The following ZMYM2 variants were observed in gnomAD, a reference collection of about 807,000 sequenced individuals.
ZMYM2 encodes zinc finger MYM-type protein 2.
ZMYM2 carries 56 observed loss-of-function variants against 162.8 expected under a neutral mutation model. The ratio of observed to expected loss-of-function variants is 0.34; its 90% confidence interval spans 0.28 to 0.43. ZMYM2 has a LOEUF of 0.43. Among genes scored for constraint, ZMYM2 ranks in the 20% least tolerant of loss-of-function variants. The pLI is 1.00. For synonymous variants in ZMYM2, 510 were observed against 541.6 expected, an observed-to-expected ratio of 0.94 and a Z score of 0.81; for missense variants, 1,275 against 1,621.8, an observed-to-expected ratio of 0.79 and a Z score of 3.67.
At chr13:19,873,397 T>A in the ZMYM2 span, among the ~76,000 whole-genome samples, 47 of 125,092 alleles carry the variant, frequency 3.8e-4, no homozygotes, top group Admixed American at 8.4e-4. Flanking sequence ...TATTTATTTA[T>A]TTATTTATTT....
At chr13:19,974,652 A>T (rs1468525968) in intron 2 of ZMYM2, among the ~76,000 whole-genome samples, 1 of 151,860 alleles carries the variant, frequency 6.6e-6, no homozygotes, top group Non-Finnish European at 1.5e-5. Flanking sequence ...TTGTATTTTT[A>T]GTAGAGATGG....
intron 7 of ZMYM2, chr13:20,025,011 C>G (rs929324281): frequency 3.3e-5 from 7 of 213,858 alleles, no homozygotes; most frequent in African/African-American, 1.6e-4. Context: ...TCGTTTCAAG[C>G]TGAAAGACCT....
At chr13:20,023,503 G>T (rs1223967518) in intron 7 of ZMYM2, among the ~76,000 whole-genome samples, 2 of 152,088 alleles carry the variant, frequency 1.3e-5, no homozygotes, top group Admixed American at 6.5e-5. Flanking sequence ...AAAATATAAG[G>T]TACATCTTTT....
At chr13:19,937,542 C>A in the ZMYM2 span, among the ~76,000 whole-genome samples, 2 of 149,368 alleles carry the variant, frequency 1.3e-5, no homozygotes, top group South Asian at 4.2e-4. Context: ...CAGCTCACTG[C>A]AACCTCCACC....
intron 5 of ZMYM2, among the ~76,000 whole-genome samples, chr13:20,005,453 C>T (rs1054376381): frequency 3.3e-5 from 5 of 151,980 alleles, no homozygotes; most frequent in Admixed American, 3.3e-4. Context: ...AGGATGATTT[C>T]GGAAAAATCA....
At chr13:19,990,406 T>C (rs117291525) in intron 2 of ZMYM2, among the ~76,000 whole-genome samples, 2 of 152,348 alleles carry the variant, frequency 1.3e-5, no homozygotes, top group East Asian at 3.9e-4. Context: ...TCATTCCCTC[T>C]AGGCTTTGCA....
At chr13:19,917,192 G>C in the ZMYM2 span, among the ~76,000 whole-genome samples, 1 of 152,052 alleles carries the variant, frequency 6.6e-6, no homozygotes, top group Non-Finnish European at 1.5e-5. Flanking sequence ...TCAATCTCCT[G>C]ACCTCGTGAT....
intron 2 of ZMYM2, among the ~76,000 whole-genome samples, chr13:19,990,413 T>C (rs1232441748): frequency 6.6e-6 from 1 of 152,210 alleles, no homozygotes; most frequent in Non-Finnish European, 1.5e-5. Context: ...CTCTAGGCTT[T>C]GCAGAAGCTG....
At chr13:19,977,624 C>T (rs1286743899) in intron 2 of ZMYM2, among the ~76,000 whole-genome samples, 1 of 6,432 alleles carries the variant, frequency 1.6e-4, no homozygotes, top group African/African-American at 2.1e-4. Flanking sequence ...TCCTCAGTAG[C>T]TGGGACTACC....
chr13:20,009,073 C>A (rs887145467), intron 6 of ZMYM2, among the ~76,000 whole-genome samples: 7 of 151,978 alleles, frequency 4.6e-5, no homozygotes, highest in African/African-American at 1.7e-4. Flanking sequence ...TAAGAAATGA[C>A]AAGGTAGATA....
chr13:19,931,301 T>C, the ZMYM2 span, among the ~76,000 whole-genome samples: 3 of 152,156 alleles, frequency 2.0e-5, no homozygotes, highest in Admixed American at 6.5e-5. Flanking sequence ...TCATCTTCAG[T>C]TGAACATACA....
intron 10 of ZMYM2, among the ~76,000 whole-genome samples, chr13:20,032,597 G>GTTTTT (rs1566350752): frequency 1.2e-5 from 1 of 86,136 alleles, no homozygotes; most frequent in African/African-American, 4.6e-5. Context: ...TTTTTTTTCT[G>GTTTTT]TCTTTTTTTT....
In ZMYM2 at chr13:20,083,222, C is replaced by T. The variant is rs542226239; in HGVS notation, c.3820+190C>T. 3.9e-5 allele frequency among the ~76,000 whole-genome samples: 6 copies of T among 152,268 alleles called. No individual in the cohort carries two copies. The South Asian group carries it at 1.2e-3, about 32-fold the overall frequency. On this transcript the variant is annotated intron_variant, in intron 23 of 24. Transcript: ENST00000610343. ...GGATTACAGGCAGGCGCCACCATGC[C>T]TGGCTAACTTTGTATTTTTAGTAGA...
intron 12 of ZMYM2, among the ~76,000 whole-genome samples, chr13:20,046,564 A>ATATATATAT (rs1555317284): frequency 2.9e-5 from 3 of 103,868 alleles, no homozygotes; most frequent in East Asian, 3.0e-4. Flanking sequence ...TAAAAAAAAA[A>ATATATATAT]ATATATATAT....
rs1200727078 is a variant in ZMYM2 at position 19,993,668 on chromosome 13, A to G, written c.596A>G (p.Asp199Gly). The G allele has an allele frequency of 2.5e-6, 4 of 1,614,038 alleles. No individual in the cohort carries two copies. The highest frequency in any genetic ancestry group is 3.4e-6 in the Non-Finnish European group (4 of 1,179,896). The stretch of plus-strand genomic sequence containing the variant: ...GAAACAGGTGTAAGCTCTGTGAATG[A>G]TGGCCAATTAGAAAATACTGACGGG... ...TLETGVSSVNDGQLENTDGRD... is the reference protein window; with the variant it reads ...TLETGVSSVNGGQLENTDGRD... Residue 199 changes from aspartate (D) to glycine (G), a missense_variant, in exon 3 of 25, where the codon GAT becomes GGT. Physicochemically the swap from Asp to Gly is moderately conservative, Grantham distance 94. Transcript: ENST00000610343.
chr13:19,915,446 T>C, the ZMYM2 span, among the ~76,000 whole-genome samples: 3 of 148,420 alleles, frequency 2.0e-5, no homozygotes, highest in African/African-American at 7.8e-5. Context: ...TTTCTTCCTT[T>C]CTTTCTTTCT....
chr13:19,903,744 G>C, the ZMYM2 span, among the ~76,000 whole-genome samples: 1 of 151,744 alleles, frequency 6.6e-6, no homozygotes, highest in African/African-American at 2.4e-5. Flanking sequence ...AGCTACTTGG[G>C]AGGCTGAGAT....
chr13:19,884,486 G>A, the ZMYM2 span, among the ~76,000 whole-genome samples: 8 of 152,162 alleles, frequency 5.3e-5, no homozygotes, highest in Admixed American at 4.6e-4. Context: ...GCCGAGGCAG[G>A]AAAATAGCGT....
chr13:19,972,489 T>C (rs1377066422), intron 2 of ZMYM2, among the ~76,000 whole-genome samples: 1 of 152,194 alleles, frequency 6.6e-6, no homozygotes, highest in African/African-American at 2.4e-5. Flanking sequence ...CTTAGTGGTA[T>C]GTCTTAGCTG....
Sources: allele counts gnomAD v4.1 joint callset (sites outside exome capture counted in the v4.1 genomes callset), GRCh38; gene constraint gnomAD v4.1.1; transcripts MANE v1.5; gene names NCBI Gene and HGNC (gene_info 2026-07-23, HGNC 2026-07-21).